The following CACNA2D2 variants were observed in gnomAD, a reference collection of about 807,000 sequenced individuals.
CACNA2D2 encodes the protein voltage-dependent calcium channel subunit alpha-2/delta-2.
In CACNA2D2, 48 loss-of-function variants were observed where a neutral mutation model predicts 166.4. The observed-to-expected ratio is 0.29, with a 90% CI of 0.23 to 0.37. CACNA2D2 has a LOEUF of 0.37. Among genes scored for constraint, CACNA2D2 ranks in the 10% least tolerant of loss-of-function variants. The probability of loss-of-function intolerance (pLI) is 1.00; values close to 1 mark genes in which losing one functional copy is unlikely to be tolerated. For missense variants in CACNA2D2, 1,122 were observed against 1,433.0 expected (o/e 0.78, Z 3.50); for synonymous variants, 561 against 573.7 (o/e 0.98, Z 0.32).
At chr3:50,470,755 G>C (rs1339809337) in intron 2 of CACNA2D2, among the ~76,000 whole-genome samples, 1 of 151,960 alleles carries the variant, frequency 6.6e-6, no homozygotes, top group Non-Finnish European at 1.5e-5. Context: ...GCCTGGGAAG[G>C]AAAGAGGCAG....
chr3:50,479,167 CT>C (rs1241063538), intron 1 of CACNA2D2, among the ~76,000 whole-genome samples: 1 of 152,160 alleles, frequency 6.6e-6, no homozygotes, highest in East Asian at 1.9e-4. Flanking sequence ...CTCACTCTCC[CT>C]CCCTCCTTGT....
At chr3:50,377,269 G>C (rs1705041925) in intron 17 of CACNA2D2, among the ~76,000 whole-genome samples, 198 bp downstream of exon 17, 1 of 152,162 alleles carries the variant, frequency 6.6e-6, no homozygotes, top group Non-Finnish European at 1.5e-5. Flanking sequence ...AAAATATTCA[G>C]TCTGGCCCTT....
chr3:50,483,911 C>T (rs760694969), intron 1 of CACNA2D2, among the ~76,000 whole-genome samples: 4 of 152,148 alleles, frequency 2.6e-5, no homozygotes, highest in Non-Finnish European at 2.9e-5. Context: ...AGAGGGAAAC[C>T]GAGGCACAGA....
chr3:50,463,554 G>T (rs1028900806), intron 2 of CACNA2D2, among the ~76,000 whole-genome samples: 4 of 152,180 alleles, frequency 2.6e-5, no homozygotes, highest in Non-Finnish European at 5.9e-5. Flanking sequence ...CACTGTCTTT[G>T]TACACACCTC....
At chr3:50,440,724 C>T (rs1708550205) in intron 2 of CACNA2D2, among the ~76,000 whole-genome samples, 1 of 152,082 alleles carries the variant, frequency 6.6e-6, no homozygotes. Flanking sequence ...CACCTCCTTA[C>T]ATCCCCCTGG....
chr3:50,456,415 C>T (rs76784079), intron 2 of CACNA2D2, among the ~76,000 whole-genome samples: 4,923 of 152,244 alleles, frequency 0.032, 261 homozygotes, highest in African/African-American at 0.11. Flanking sequence ...TCTTGCCCAC[C>T]GCAGCCAGAC....
At chr3:50,471,692 G>T (rs1010459960) in intron 2 of CACNA2D2, among the ~76,000 whole-genome samples, 1 of 152,122 alleles carries the variant, frequency 6.6e-6, no homozygotes, top group African/African-American at 2.4e-5. Flanking sequence ...CTGTCTCAAA[G>T]GCACCTGCAG....
chr3:50,384,102 G>A, intron 6 of CACNA2D2, 94 bp downstream of exon 6: 1 of 1,488,342 alleles, frequency 6.7e-7, no homozygotes, highest in South Asian at 1.2e-5. Context: ...AGATGGCACT[G>A]GCCTTCTGTC....
In CACNA2D2 at chr3:50,363,377, C is replaced by G. The variant is rs1704031986; in HGVS notation, c.*1289G>C. On this transcript the variant is annotated 3_prime_UTR_variant, in exon 38 of 38. Coordinates refer to ENST00000424201, the MANE Select transcript of CACNA2D2 (RefSeq NM_006030.4). Reference sequence around the variant, plus strand: ...TGAGCCCCATCACTATATCCCCTTGCCCTCAGTTCCCCACTGGCCCCCAGG... The same window carrying G: ...TGAGCCCCATCACTATATCCCCTTGGCCTCAGTTCCCCACTGGCCCCCAGG... 1 of 397,868 alleles carries G rather than the reference C, an allele frequency of 2.5e-6. No individual in the cohort carries two copies. The highest frequency in any genetic ancestry group is 2.1e-5 in the African/African-American group (1 of 48,620). 24.6% of individuals were successfully genotyped at this position (397,868 alleles called of 1,614,324 possible).
intron 2 of CACNA2D2, among the ~76,000 whole-genome samples, chr3:50,435,491 T>G: frequency 6.7e-6 from 1 of 149,362 alleles, no homozygotes; most frequent in Non-Finnish European, 1.5e-5. Context: ...TGAGCAGAAG[T>G]GGAGGGATGT....
intron 3 of CACNA2D2, among the ~76,000 whole-genome samples, chr3:50,432,826 G>A (rs1708134865): frequency 6.6e-6 from 1 of 152,208 alleles, no homozygotes; most frequent in South Asian, 2.1e-4. Flanking sequence ...GACAGGCAGG[G>A]GATCCCATGG....
chr3:50,447,225 GA>G (rs1367695206), intron 2 of CACNA2D2, among the ~76,000 whole-genome samples: 1 of 152,184 alleles, frequency 6.6e-6, no homozygotes, highest in African/African-American at 2.4e-5. Flanking sequence ...TGAATTCTGA[GA>G]AACTGTAAGG....
intron 3 of CACNA2D2, among the ~76,000 whole-genome samples, chr3:50,424,790 G>A (rs1453684628): frequency 6.6e-6 from 1 of 152,178 alleles, no homozygotes; most frequent in Non-Finnish European, 1.5e-5. Flanking sequence ...TCAAGGTGGA[G>A]TCTCTTCCAG....
rs537587174 is a variant in CACNA2D2 at position 50,491,310 on chromosome 3, C to T, written c.206+11908G>A. Among the ~76,000 whole-genome samples the T allele has an allele frequency of 3.0e-4, 46 of 152,252 alleles. 1 individual carries two copies. The South Asian group carries it at 7.3e-3, about 24-fold the overall frequency. On this transcript the variant is annotated intron_variant, in intron 1 of 37. Transcript: ENST00000424201. ...TGAGAACAGTGAGGACACTGAGGCT[C>T]GGAGGAGGACGGCAGGAGGCTTGCC...
At chr3:50,476,403 T>C (rs1050386823) in intron 1 of CACNA2D2, among the ~76,000 whole-genome samples, 1 of 152,184 alleles carries the variant, frequency 6.6e-6, no homozygotes, top group Non-Finnish European at 1.5e-5. Context: ...CCTCATGCAC[T>C]GTGGGGTGGC....
chr3:50,415,048 C>T (rs920376811), intron 3 of CACNA2D2, among the ~76,000 whole-genome samples: 3 of 152,198 alleles, frequency 2.0e-5, no homozygotes, highest in African/African-American at 4.8e-5. Flanking sequence ...TCCCGGAGAA[C>T]GCGGGTCATG....
At chr3:50,394,025 C>T in intron 4 of CACNA2D2, 84 bp downstream of exon 4, 1 of 1,247,746 alleles carries the variant, frequency 8.0e-7, no homozygotes, top group Non-Finnish European at 1.2e-6. Context: ...CCTCATGTGT[C>T]TGGGCAGCTC....
chr3:50,446,434 C>T (rs543649788), intron 2 of CACNA2D2, among the ~76,000 whole-genome samples: 33 of 152,354 alleles, frequency 2.2e-4, no homozygotes, highest in Middle Eastern at 3.4e-3. Flanking sequence ...TGCATGAACA[C>T]AGACCCTGTT....
At position 50,366,024 on chromosome 3, in the gene CACNA2D2, C is replaced by T. The variant is rs1333604942; in HGVS notation, c.2849G>A (p.Arg950Gln). 3 of 1,612,644 alleles carry T rather than the reference C, an allele frequency of 1.9e-6. 1 individual carries two copies. Among genetic ancestry groups the T allele is most frequent in the South Asian group, 2.2e-5 (2 of 90,982 alleles). Residue 950 changes from arginine (R) to glutamine (Q), a missense_variant, in exon 32 of 38, where the codon CGG becomes CAG. By Grantham distance (43) the Arg-to-Gln change is conservative (BLOSUM62 1). This residue lies in a region of CACNA2D2 where 282 missense variants were observed against 266.2 expected (regional missense o/e 1.06). Transcript: ENST00000424201. This position sits in a 1 kb window ranked among gnomAD's most constrained non-coding sequence, Gnocchi z 5.9. Reference sequence around the variant, plus strand: ...CTGGGGACTCACCACAAAGACACCCCGGGGTGCAGCACCCAGGTTGCCAGG... The same window carrying T: ...CTGGGGACTCACCACAAAGACACCCTGGGGTGCAGCACCCAGGTTGCCAGG... ...QPPGNLGAAP[R>Q]GVFVPTVADF... is the part of the protein sequence containing the mutation.
Sources: gnomAD v4.1 joint callset for allele counts (sites outside exome capture counted in the v4.1 genomes callset) on GRCh38, gnomAD v4.1.1 for gene constraint, gnomAD v4.1.1 regional missense constraint, Gnocchi (gnomAD v3.1) non-coding constraint, MANE v1.5 for transcripts, NCBI Gene and HGNC (gene_info 2026-07-23, HGNC 2026-07-21) for gene names.